Variants in DROSHA observed in about 807,000 individuals in gnomAD.
DROSHA encodes the protein drosha ribonuclease III, also known as ribonuclease 3.
DROSHA carries 56 observed loss-of-function variants against 181.9 expected under a neutral mutation model. That is an observed-to-expected ratio of 0.31 (90% CI 0.25 to 0.38). DROSHA has a LOEUF of 0.38. Ranked by LOEUF, DROSHA falls within the 10% of genes least tolerant of loss-of-function variation. DROSHA has a pLI of 1.00. For missense variants in DROSHA, 1,218 were observed against 1,743.5 expected (o/e 0.70, Z 5.37); for synonymous variants, 524 against 591.2 (o/e 0.89, Z 1.65).
Position 31,435,751 on chromosome 5 carries a change from G to T in DROSHA, c.3042+14C>A, listed in dbSNP as rs372379324. The T allele has an allele frequency of 1.9e-6, 3 of 1,609,134 alleles. No homozygotes were observed. Among genetic ancestry groups the T allele is most frequent in the Admixed American group, 1.7e-5 (1 of 59,420 alleles). ...GTCAGACGTAACTACAAATGCTGCA[G>T]ATGTCTTCTATACCTTTGCTAGCAT... is the stretch of plus-strand genomic sequence containing the variant. On this transcript the variant is annotated intron_variant, in intron 25 of 35. Transcript: ENST00000344624.
intron 3 of DROSHA, among the ~76,000 whole-genome samples, chr5:31,529,638 G>C (rs985373477): frequency 6.6e-6 from 1 of 151,764 alleles, no homozygotes; most frequent in African/African-American, 2.4e-5. Context: ...GGGAGGCTGA[G>C]GCAGGAGAAT....
At chr5:31,449,212 C>T (rs914307994) in intron 22 of DROSHA, 69 bp downstream of exon 22, 10 of 1,579,856 alleles carry the variant, frequency 6.3e-6, no homozygotes, top group African/African-American at 2.7e-5. Flanking sequence ...TTCCTAGAGG[C>T]GAAATAATTT....
chr5:31,508,524 A>G lies in DROSHA; in HGVS notation c.1587+97T>C, dbSNP rs543157524. 101 of 1,543,018 alleles carry G rather than the reference A, an allele frequency of 6.5e-5. 1 individual carries two copies. The South Asian group carries it at 1.2e-3, about 18-fold the overall frequency. ...GGACAAAACCCTGACAGTAAAATTC[A>G]GTTTCAATACTAGGCAACATGTATC... On this transcript the variant is annotated intron_variant, in intron 10 of 35. Coordinates refer to ENST00000344624, the MANE Select transcript of DROSHA (RefSeq NM_001382508.1).
intron 30 of DROSHA, among the ~76,000 whole-genome samples, chr5:31,412,029 C>T (rs1741373190): frequency 6.6e-6 from 1 of 152,192 alleles, no homozygotes; most frequent in Non-Finnish European, 1.5e-5. Context: ...CATCAGACAG[C>T]TAAGAGTCCT....
rs189365259 is a variant in DROSHA at position 31,525,673 on chromosome 5, T to A, written c.854+406A>T. 1.0e-3 allele frequency among the ~76,000 whole-genome samples: 153 copies of A among 152,316 alleles called. 2 individuals carry two copies. In the Middle Eastern group the frequency reaches 0.014, roughly 14 times the overall value. On this transcript the variant is annotated intron_variant, in intron 5 of 35. Coordinates refer to ENST00000344624, the MANE Select transcript of DROSHA (RefSeq NM_001382508.1). ...CTTCCTGTTAACTAATTTGATTCTT[T>A]ATTAACACGCAGATCGCCAGTTCCA...
intron 35 of DROSHA, among the ~76,000 whole-genome samples, chr5:31,405,276 G>A (rs925259900): frequency 6.6e-6 from 1 of 151,794 alleles, no homozygotes; most frequent in Non-Finnish European, 1.5e-5. Context: ...GCTGAGGCAG[G>A]AGAATCACCT....
intron 8 of DROSHA, among the ~76,000 whole-genome samples, chr5:31,512,732 C>A (rs537965676): frequency 6.6e-6 from 1 of 152,152 alleles, no homozygotes; most frequent in East Asian, 1.9e-4. Context: ...ATTCAAAACA[C>A]GAGAAGGACT....
intron 6 of DROSHA, among the ~76,000 whole-genome samples, chr5:31,518,165 T>C (rs999354955): frequency 6.6e-6 from 1 of 152,306 alleles, no homozygotes; most frequent in South Asian, 2.1e-4. Flanking sequence ...CACTGAATGC[T>C]GTGGGCAACT....
At chr5:31,406,578 G>C (rs1251798386) in intron 34 of DROSHA, among the ~76,000 whole-genome samples, 1 of 152,124 alleles carries the variant, frequency 6.6e-6, no homozygotes, top group African/African-American at 2.4e-5. Context: ...AGTGTGCTCT[G>C]GGTAACTAAA....
intron 11 of DROSHA, among the ~76,000 whole-genome samples, chr5:31,503,637 G>A (rs1737565278): frequency 6.6e-6 from 1 of 152,174 alleles, no homozygotes; most frequent in Non-Finnish European, 1.5e-5. Context: ...GACAAGCCAG[G>A]CCTGATCAGA....
intron 5 of DROSHA, among the ~76,000 whole-genome samples, chr5:31,523,829 G>C: frequency 6.6e-6 from 1 of 151,824 alleles, no homozygotes; most frequent in South Asian, 2.1e-4. Flanking sequence ...ACAAAAATTA[G>C]CCGGGCTTGG....
intron 3 of DROSHA, among the ~76,000 whole-genome samples, chr5:31,529,652 A>G (rs1275391294): frequency 1.3e-5 from 2 of 151,280 alleles, no homozygotes; most frequent in Admixed American, 1.3e-4. Flanking sequence ...GGAGAATGAC[A>G]TGAACCTGGG....
At chr5:31,528,953 A>G (rs1740904815) in intron 4 of DROSHA, 87 bp downstream of exon 4, 2 of 1,545,496 alleles carry the variant, frequency 1.3e-6, no homozygotes, top group East Asian at 4.6e-5. Flanking sequence ...ATGTATCTAA[A>G]TCCTTTCCAC....
At position 31,411,246 on chromosome 5, in the gene DROSHA, G is replaced by A. The variant is rs1401452081; in HGVS notation, c.3526-359C>T. On this transcript the variant is annotated intron_variant, in intron 30 of 35. Coordinates refer to ENST00000344624, the MANE Select transcript of DROSHA (RefSeq NM_001382508.1). The surrounding 1 kb of genome is among the most constrained non-coding windows in gnomAD (Gnocchi z 4.2). ...TACAAAATAAGGAAGCATTAAGAGT[G>A]TTAAAATCAATTTTATTAAAGTGTA... Among the ~76,000 whole-genome samples, 2 of 152,166 alleles carry A rather than the reference G, an allele frequency of 1.3e-5. No individual in the cohort carries two copies. Among genetic ancestry groups the A allele is most frequent in the Non-Finnish European group, 2.9e-5 (2 of 68,030 alleles).
intron 16 of DROSHA, among the ~76,000 whole-genome samples, chr5:31,482,656 T>C (rs1751165468): frequency 6.6e-6 from 1 of 152,026 alleles, no homozygotes. Flanking sequence ...TAACAGAACC[T>C]TGTGGAGAGA....
intron 22 of DROSHA, 56 bp from the exon 23 acceptor site, chr5:31,448,663 C>A: frequency 1.5e-6 from 2 of 1,365,972 alleles, no homozygotes; most frequent in Admixed American, 1.7e-5. Flanking sequence ...AATTATAGGA[C>A]CATCATATTA....
chr5:31,457,123 CTTTTTTTTTTT>C (rs5867080), intron 20 of DROSHA, among the ~76,000 whole-genome samples: 1 of 99,120 alleles, frequency 1.0e-5, no homozygotes, highest in East Asian at 3.4e-4. Context: ...GAAATTAAGC[CTTTTTTTTTTT>C]TTTTTTTTTT....
At chr5:31,461,923 T>G (rs1052502589) in intron 20 of DROSHA, among the ~76,000 whole-genome samples, 2 of 152,168 alleles carry the variant, frequency 1.3e-5, no homozygotes, top group African/African-American at 4.8e-5. Flanking sequence ...TAATATTTAA[T>G]ATGTCAAAAT....
Position 31,401,206 on chromosome 5 carries a change from T to C in DROSHA, c.*226A>G. The C allele has an allele frequency of 2.0e-6, 1 of 495,152 alleles. No homozygotes were observed. Among genetic ancestry groups the C allele is most frequent in the South Asian group, 2.0e-5 (1 of 48,900 alleles). The allele number at this position is 495,152 out of a possible 1,614,324, so 30.7% of individuals were successfully genotyped here. A position where few individuals can be genotyped will look rare whatever the true frequency, so the allele number is the denominator to read the frequency against. On this transcript the variant is annotated 3_prime_UTR_variant, in exon 36 of 36. Coordinates refer to ENST00000344624, the MANE Select transcript of DROSHA (RefSeq NM_001382508.1). ...GCAAAATAAAAGGAAGTAATGCACA[T>C]TCACCAAAGTCAAGTTTTCCGTTAA...
Sources: allele counts gnomAD v4.1 joint callset (sites outside exome capture counted in the v4.1 genomes callset), GRCh38; gene constraint gnomAD v4.1.1; non-coding constraint Gnocchi (gnomAD v3.1); transcripts MANE v1.5; gene names NCBI Gene and HGNC (gene_info 2026-07-23, HGNC 2026-07-21).